Variants in CLK3 observed in about 807,000 individuals in gnomAD.
CLK3 encodes the protein CDC like kinase 3.
CLK3 carries 24 observed loss-of-function variants against 65.2 expected under a neutral mutation model. The observed-to-expected ratio is 0.37, with a 90% CI of 0.27 to 0.52. The LOEUF is 0.52. CLK3 is among the 20% of genes least tolerant of loss of function. The pLI is 0.92. For missense variants in CLK3, 506 were observed against 660.0 expected, an observed-to-expected ratio of 0.77 and a Z score of 2.56; for synonymous variants, 252 against 240.8, an observed-to-expected ratio of 1.05 and a Z score of -0.43.
chr15:74,617,024 C>G (rs181099374), intron 1 of CLK3, among the ~76,000 whole-genome samples: 2 of 152,280 alleles, frequency 1.3e-5, no homozygotes, highest in African/African-American at 4.8e-5. Context: ...GCCCTAGAGC[C>G]CTGGCTGGGA....
rs905332290 is a variant in CLK3, at chr15:74,629,955, C to G, written c.*72C>G. 2 of 1,441,516 alleles carry G rather than the reference C, an allele frequency of 1.4e-6. No individual in the cohort carries two copies. The highest frequency in any genetic ancestry group is 1.9e-6 in the Non-Finnish European group (2 of 1,061,202). The allele number at this position is 1,441,516 out of a possible 1,614,324, so 89.3% of individuals were successfully genotyped here. A position where few individuals can be genotyped will look rare whatever the true frequency, so the allele number is the denominator to read the frequency against. On this transcript the variant is annotated 3_prime_UTR_variant, in exon 13 of 13. Transcript: ENST00000395066. Reference sequence around the variant, plus strand: ...CCCAGCCCCTTGACTCCAGCCTCGACCGCCAGGCCCCAGGCCAGAGCCACC... The same window carrying G: ...CCCAGCCCCTTGACTCCAGCCTCGAGCGCCAGGCCCCAGGCCAGAGCCACC...
At position 74,628,684 on chromosome 15, in the gene CLK3, G is replaced by T. The variant is rs2062163970; in HGVS notation, c.1205+1G>T. ...CATCACACATGATCCACCGTACCAG[G>T]TAAGGACCCCAGTAGCCCCCTCAGG... On this transcript the variant is annotated splice_donor_variant, in intron 11 of 12. Transcript: ENST00000395066. LOFTEE classifies it high-confidence loss of function. 6.2e-7 allele frequency: 1 copy of T among 1,610,500 alleles called. No individual in the cohort carries two copies. Among genetic ancestry groups the T allele is most frequent in the Admixed American group, 1.7e-5 (1 of 59,260 alleles).
At chr15:74,613,130 CAAG>C (rs1203415006), upstream of CLK3, 1 of 152,390 alleles carries the variant, frequency 6.6e-6, no homozygotes, top group Admixed American at 6.5e-5. Flanking sequence ...GACAATAGAA[CAAG>C]GAGGGCATCA....
intron 1 of CLK3, among the ~76,000 whole-genome samples, chr15:74,616,504 C>T (rs368644243): frequency 6.6e-6 from 1 of 152,274 alleles, no homozygotes; most frequent in African/African-American, 2.4e-5. Flanking sequence ...TTCAAATCCC[C>T]TGGCTGCTCC....
chr15:74,615,431 G>T, upstream of CLK3: 1 of 1,268,294 alleles, frequency 7.9e-7, no homozygotes. Flanking sequence ...GGCCGCTCTC[G>T]CGCTCTCCGG....
rs2062113341 is a variant in CLK3 at position 74,622,706 on chromosome 15, G to A, written c.533+146G>A. On this transcript the variant is annotated intron_variant, in intron 5 of 12. Coordinates refer to ENST00000395066, the MANE Select transcript of CLK3 (RefSeq NM_001130028.2). This position sits in a 1 kb window ranked among gnomAD's most constrained non-coding sequence, Gnocchi z 4.6. ...CAAAGTAGGGTTCCGACCTGTCCAT[G>A]TTGGGGTTTTGCTGACCCCCTGTAA... The A allele has an allele frequency of 1.8e-6, 1 of 550,240 alleles. No individual in the cohort carries two copies. The highest frequency in any genetic ancestry group is 3.1e-6 in the Non-Finnish European group (1 of 321,514). 34.1% of individuals were successfully genotyped at this position (550,240 alleles called of 1,614,324 possible). A position where few individuals can be genotyped will look rare whatever the true frequency, so the allele number is the denominator to read the frequency against.
chr15:74,623,114 T>C (rs1436669103), intron 5 of CLK3, among the ~76,000 whole-genome samples: 1 of 151,986 alleles, frequency 6.6e-6, no homozygotes, highest in East Asian at 1.9e-4. Flanking sequence ...GAGAGTGGGG[T>C]ATACCTGTGT....
At chr15:74,623,204 A>G (rs967980781) in intron 5 of CLK3, among the ~76,000 whole-genome samples, 3 of 152,132 alleles carry the variant, frequency 2.0e-5, no homozygotes, top group South Asian at 2.1e-4. Context: ...AGACTAGAAC[A>G]TTTGCTTCCT....
intron 12 of CLK3, 187 bp from the exon 13 acceptor site, chr15:74,629,520 G>A (rs1454241145): frequency 1.7e-6 from 1 of 601,864 alleles, no homozygotes; most frequent in Non-Finnish European, 3.0e-6. Context: ...CAAGTTCCGA[G>A]CAAAACGTTA....
intron 10 of CLK3, 44 bp from the exon 11 acceptor site, chr15:74,628,560 A>C: frequency 2.8e-6 from 4 of 1,422,054 alleles, no homozygotes; most frequent in South Asian, 1.2e-5. Context: ...TGAAGGGGCC[A>C]GAGCTAGTAC....
chr15:74,615,028 C>T, upstream of CLK3: 1 of 179,580 alleles, frequency 5.6e-6, no homozygotes, highest in Admixed American at 6.2e-5. Flanking sequence ...CCTCGTAATC[C>T]TGTCCGACCC....
At position 74,621,161 on chromosome 15, in the gene CLK3, G is replaced by A. The variant is rs2062099491; in HGVS notation, c.369+936G>A. 6.6e-6 allele frequency: 1 copy of A among 152,624 alleles called. No individual in the cohort carries two copies. The highest frequency in any genetic ancestry group is 2.4e-5 in the African/African-American group (1 of 41,480). The allele number at this position is 152,624 out of a possible 1,614,324, so 9.5% of individuals were successfully genotyped here. ...TCTGTGACTTCTTTGAGTGGCTACAGGTTGAGGGTTGACTGTGCGGGCGAT... is the reference window on the plus strand; with the variant it reads ...TCTGTGACTTCTTTGAGTGGCTACAAGTTGAGGGTTGACTGTGCGGGCGAT... On this transcript the variant is annotated intron_variant, in intron 3 of 12. Coordinates refer to ENST00000395066, the MANE Select transcript of CLK3 (RefSeq NM_001130028.2). This position sits in a 1 kb window ranked among gnomAD's most constrained non-coding sequence, Gnocchi z 4.8.
chr15:74,629,261 G>A (rs767652864), intron 12 of CLK3: 14 of 634,396 alleles, frequency 2.2e-5, no homozygotes, highest in Non-Finnish European at 3.7e-5. Context: ...AATGTAATTG[G>A]GGAACACCAG....
At chr15:74,609,283 C>T (rs531314559) in intron 1 of CLK3, among the ~76,000 whole-genome samples, 106 of 152,360 alleles carry the variant, frequency 7.0e-4, no homozygotes, top group Non-Finnish European at 1.2e-3. Flanking sequence ...CACCCCAGCC[C>T]GCAGAGGCTT....
chr15:74,615,587 C>G (rs2062047454), upstream of CLK3: 8 of 1,264,108 alleles, frequency 6.3e-6, no homozygotes, highest in South Asian at 1.6e-4. Flanking sequence ...CCGGGCCGCG[C>G]ACCTGTCAGG....
At chr15:74,617,238 G>A (rs749159390) in intron 1 of CLK3, among the ~76,000 whole-genome samples, 3 of 152,220 alleles carry the variant, frequency 2.0e-5, no homozygotes, top group Non-Finnish European at 2.9e-5. Context: ...AGGCTGGTAT[G>A]TGACAGCACT....
At chr15:74,629,434 G>A in intron 12 of CLK3, 1 of 555,484 alleles carries the variant, frequency 1.8e-6, no homozygotes, top group Non-Finnish European at 3.2e-6. Context: ...TTTCGCAGAG[G>A]TGATCTCTAC....
At position 74,627,914 on chromosome 15, in the gene CLK3, TC is replaced by T; in HGVS notation, c.1043-54del. Reference sequence around the variant, plus strand: ...CCGGTGTGGTGGCTGCCTTGTGACTTCCAGGCTGGAAGCATAAGGCCGGATC... The same window carrying T: ...CCGGTGTGGTGGCTGCCTTGTGACTTCAGGCTGGAAGCATAAGGCCGGATC... On this transcript the variant is annotated intron_variant, in intron 9 of 12. Transcript: ENST00000395066. This position sits in a 1 kb window ranked among gnomAD's most constrained non-coding sequence, Gnocchi z 4.3. 2 of 1,426,016 alleles carry T rather than the reference TC, an allele frequency of 1.4e-6. No homozygotes were observed. Among genetic ancestry groups the T allele is most frequent in the Non-Finnish European group, 2.0e-6 (2 of 1,009,470 alleles). 88.3% of individuals were successfully genotyped at this position (1,426,016 alleles called of 1,614,324 possible).
intron 7 of CLK3, among the ~76,000 whole-genome samples, chr15:74,626,732 T>C (rs575080413): frequency 6.6e-6 from 1 of 152,056 alleles, no homozygotes; most frequent in South Asian, 2.1e-4. Flanking sequence ...GTGGGCCACA[T>C]AGTTGTGAGG....
Sources: gnomAD v4.1 joint callset for allele counts (sites outside exome capture counted in the v4.1 genomes callset) on GRCh38, gnomAD v4.1.1 for gene constraint, Gnocchi (gnomAD v3.1) non-coding constraint, MANE v1.5 for transcripts, NCBI Gene and HGNC (gene_info 2026-07-23, HGNC 2026-07-21) for gene names.